Variants in SERAC1 observed in about 807,000 individuals in gnomAD.
SERAC1 encodes serine active site containing 1.
SERAC1 carries 36 observed loss-of-function variants against 85.7 expected under a neutral mutation model. The observed-to-expected ratio is 0.42, with a 90% confidence interval of 0.32 to 0.55. SERAC1 has a LOEUF of 0.55. SERAC1 is among the 20% of genes least tolerant of loss of function. SERAC1 has a pLI of 0.11. For synonymous variants in SERAC1, 242 were observed against 265.3 expected, an observed-to-expected ratio of 0.91 and a Z score of 0.85; for missense variants, 629 against 796.2, an observed-to-expected ratio of 0.79 and a Z score of 2.53.
rs1295185110 is a variant in SERAC1, at chr6:158,117,660, C to T, written c.1403+67G>A. ...TCAAAAAATTAAAATCACTTCCCAT[C>T]CAAGAGGACCTAAACTTGCGGCCTG... is the stretch of plus-strand genomic sequence containing the variant. On this transcript the variant is annotated intron_variant, in intron 13 of 16. Coordinates refer to ENST00000647468, the MANE Select transcript of SERAC1 (RefSeq NM_032861.4). This position sits in a 1 kb window ranked among gnomAD's most constrained non-coding sequence, Gnocchi z 4.3. The T allele has an allele frequency of 1.9e-6, 3 of 1,610,340 alleles. No individual in the cohort carries two copies. The highest frequency in any genetic ancestry group is 2.5e-6 in the Non-Finnish European group (3 of 1,177,448).
intron 7 of SERAC1, among the ~76,000 whole-genome samples, 161 bp from the exon 8 acceptor site, chr6:158,143,345 CTCTATATA>C (rs1239524377): frequency 0.016 from 430 of 26,436 alleles, 1 homozygote; most frequent in Middle Eastern, 0.025. Context: ...CTCTCTCTCT[CTCTATATA>C]TATATATATA....
In SERAC1 at chr6:158,144,460, G is replaced by A. The variant is rs767271690; in HGVS notation, c.488-40C>T. Reference sequence around the variant, plus strand: ...TTTTCTTTTGTTAATACCAAAACTAGCTGACAGATGTCATAAAGATTAACT... The same window carrying A: ...TTTTCTTTTGTTAATACCAAAACTAACTGACAGATGTCATAAAGATTAACT... On this transcript the variant is annotated intron_variant, in intron 6 of 16. Coordinates refer to ENST00000647468, the MANE Select transcript of SERAC1 (RefSeq NM_032861.4). The A allele has an allele frequency of 2.6e-6, 4 of 1,520,236 alleles. No homozygotes were observed. In the Admixed American group the frequency reaches 8.1e-5, roughly 31 times the overall value. 94.2% of individuals were successfully genotyped at this position (1,520,236 alleles called of 1,614,324 possible).
At chr6:158,141,595 G>A (rs965364400) in intron 8 of SERAC1, among the ~76,000 whole-genome samples, 1 of 152,128 alleles carries the variant, frequency 6.6e-6, no homozygotes, top group Admixed American at 6.6e-5. Flanking sequence ...CTAGTGCCTG[G>A]GTTTTGGACT....
At chr6:158,149,942 C>T (rs181162087) in intron 4 of SERAC1, among the ~76,000 whole-genome samples, 14 of 152,256 alleles carry the variant, frequency 9.2e-5, no homozygotes, top group Non-Finnish European at 1.3e-4. Context: ...ACCATATGAT[C>T]GCTAATGAGG....
At chr6:158,148,047 A>C (rs889882345) in intron 5 of SERAC1, among the ~76,000 whole-genome samples, 1 of 152,166 alleles carries the variant, frequency 6.6e-6, no homozygotes, top group Non-Finnish European at 1.5e-5. Flanking sequence ...TCTAAAATTC[A>C]GTCTAATTCC....
intron 15 of SERAC1, among the ~76,000 whole-genome samples, chr6:158,114,051 A>G (rs1419381801): frequency 6.8e-6 from 1 of 147,882 alleles, no homozygotes; most frequent in Admixed American, 6.7e-5. Flanking sequence ...ATAAGCAAAC[A>G]GAAAAGCTGG....
At chr6:158,118,535 T>C (rs1423163660) in intron 12 of SERAC1, among the ~76,000 whole-genome samples, 3 of 151,418 alleles carry the variant, frequency 2.0e-5, no homozygotes, top group Non-Finnish European at 4.4e-5. Context: ...GAATGACTGT[T>C]TGAGCCTGGG....
intron 5 of SERAC1, 22 bp from the exon 6 acceptor site, chr6:158,146,935 A>G: frequency 6.2e-7 from 1 of 1,609,556 alleles, no homozygotes; most frequent in South Asian, 1.1e-5. Flanking sequence ...GAAAAAGCCA[A>G]GACAATGTGA....
At chr6:158,159,504 CA>C (rs71027385) in intron 1 of SERAC1, among the ~76,000 whole-genome samples, 325 of 108,314 alleles carry the variant, frequency 3.0e-3, no homozygotes, top group Middle Eastern at 0.01. Flanking sequence ...GACCCGGTTT[CA>C]AAAAAAAAAA....
intron 10 of SERAC1, among the ~76,000 whole-genome samples, chr6:158,124,748 AACACAC>A (rs201023302): frequency 0.32 from 41,706 of 131,276 alleles, 6,969 homozygotes; most frequent in Admixed American, 0.53. Context: ...AATGCTGGAA[AACACAC>A]ACACACACAC....
intron 10 of SERAC1, among the ~76,000 whole-genome samples, chr6:158,121,756 G>A (rs936325311): frequency 2.0e-5 from 3 of 152,106 alleles, no homozygotes; most frequent in Admixed American, 6.5e-5. Flanking sequence ...TATAGAGATA[G>A]ACAAGTATGT....
At chr6:158,130,256 A>G (rs1012084827) in intron 9 of SERAC1, 117 bp downstream of exon 9, 2 of 486,872 alleles carry the variant, frequency 4.1e-6, no homozygotes, top group Admixed American at 8.3e-5. Flanking sequence ...ATTTAAAAAT[A>G]AGTGAAGGGC....
At position 158,135,818 on chromosome 6, in the gene SERAC1, C is replaced by CT. The variant is rs967452461; in HGVS notation, c.739-5333dup. ...GATAAAATGTTAGTAATTGGTGAAT[C>CT]TTTTTTTTTGAGACGGAGTCTCACT... On this transcript the variant is annotated intron_variant, in intron 8 of 16. Transcript: ENST00000647468. 6.0e-5 allele frequency among the ~76,000 whole-genome samples: 9 copies of CT among 151,134 alleles called. No homozygotes were observed. In the East Asian group the frequency reaches 1.2e-3, roughly 20 times the overall value.
chr6:158,167,857 G>C (rs1017897465), intron 1 of SERAC1, among the ~76,000 whole-genome samples: 3 of 152,018 alleles, frequency 2.0e-5, no homozygotes, highest in Non-Finnish European at 2.9e-5. Flanking sequence ...TCATCTCTCC[G>C]TGACTACCGA....
rs117932545 is a variant in SERAC1, at chr6:158,116,529, C to T, written c.1404-247G>A. 0.011 allele frequency: 4,710 copies of T among 424,114 alleles called. 32 individuals carry two copies. The highest frequency in any genetic ancestry group is 0.015 in the Non-Finnish European group (3,443 of 231,580). The allele number at this position is 424,114 out of a possible 1,614,324, so 26.3% of individuals were successfully genotyped here. On this transcript the variant is annotated intron_variant, in intron 13 of 16. Coordinates refer to ENST00000647468, the MANE Select transcript of SERAC1 (RefSeq NM_032861.4). ...CTAGGATTATAGGCATGAGCCACCA[C>T]GCCTGGGATCTCTCTGCTCAATTCC... is the stretch of plus-strand genomic sequence containing the variant.
intron 5 of SERAC1, among the ~76,000 whole-genome samples, chr6:158,147,514 A>G (rs2128421252): frequency 6.6e-6 from 1 of 151,792 alleles, no homozygotes; most frequent in Admixed American, 6.6e-5. Flanking sequence ...TAATCCCAGC[A>G]CTTTGGGAGG....
intron 2 of SERAC1, among the ~76,000 whole-genome samples, chr6:158,157,969 T>C (rs1300598564): frequency 5.9e-5 from 9 of 152,160 alleles, no homozygotes; most frequent in Admixed American, 5.2e-4. Context: ...CAGAACCTAA[T>C]ATGGGTGTTG....
chr6:158,132,526 C>T (rs1784702244), intron 8 of SERAC1, among the ~76,000 whole-genome samples: 3 of 152,090 alleles, frequency 2.0e-5, no homozygotes, highest in Non-Finnish European at 2.9e-5. Flanking sequence ...ATCCTGGCTC[C>T]CCCAAACCCC....
intron 6 of SERAC1, chr6:158,146,500 C>G (rs1037342736): frequency 2.4e-5 from 5 of 209,724 alleles, no homozygotes; most frequent in Non-Finnish European, 2.9e-5. Flanking sequence ...GCTCTGCCTC[C>G]TGGGTTCACG....
Sources: allele counts gnomAD v4.1 joint callset (sites outside exome capture counted in the v4.1 genomes callset), GRCh38; gene constraint gnomAD v4.1.1; non-coding constraint Gnocchi (gnomAD v3.1); transcripts MANE v1.5; gene names NCBI Gene and HGNC (gene_info 2026-07-23, HGNC 2026-07-21).